Variants in FGF13 observed in about 807,000 individuals in gnomAD.
FGF13 encodes fibroblast growth factor homologous factor 2.
FGF13 carries 2 observed loss-of-function variants against 19.5 expected under a neutral mutation model. The ratio of observed to expected loss-of-function variants is 0.10; its 90% confidence interval spans 0.04 to 0.32. The LOEUF is 0.32. FGF13 is among the 10% of genes least tolerant of loss of function. The pLI, the probability that FGF13 is intolerant of heterozygous loss-of-function variation, is 1.00. For missense variants in FGF13, 113 were observed against 192.7 expected, an observed-to-expected ratio of 0.59 and a Z score of 2.45; for synonymous variants, 72 against 76.9, an observed-to-expected ratio of 0.94 and a Z score of 0.33.
intron 1 of FGF13, among the ~76,000 whole-genome samples, chrX:139,161,917 A>G (rs1603227231): frequency 1.8e-5 from 2 of 112,138 alleles, no homozygotes; most frequent in Admixed American, 1.9e-4. Context: ...CGAATGGAAA[A>G]ACATTCCATG....
In FGF13 at chrX:138,644,003, A is replaced by T. The variant is rs2089279002; in HGVS notation, c.403-8348T>A. Among the ~76,000 whole-genome samples, 2 of 111,877 alleles carry T rather than the reference A, an allele frequency of 1.8e-5. 1 individual carries two copies. The highest frequency in any genetic ancestry group is 5.6e-4 in the East Asian group (2 of 3,540). On this transcript the variant is annotated intron_variant, in intron 3 of 4. Transcript: ENST00000315930. ...TTCTCTGTACTGACTTCAGAGTGGG[A>T]TCTAAATCCAGCTGCAAGAATATGA...
intron 1 of FGF13, among the ~76,000 whole-genome samples, chrX:138,994,507 CA>C (rs1388280715): frequency 9.0e-6 from 1 of 111,533 alleles, no homozygotes; most frequent in Non-Finnish European, 1.9e-5. Flanking sequence ...ACATTTTAAA[CA>C]AATAATTCCC....
intron 1 of FGF13, among the ~76,000 whole-genome samples, chrX:139,153,806 A>T (rs1044528421): frequency 9.3e-6 from 1 of 107,641 alleles, no homozygotes; most frequent in Non-Finnish European, 1.9e-5. Flanking sequence ...TGTTATCGTT[A>T]TAAGTAGAGG....
intron 3 of FGF13, among the ~76,000 whole-genome samples, chrX:138,751,541 T>G (rs1177780089): frequency 5.4e-5 from 6 of 111,880 alleles, no homozygotes; most frequent in Admixed American, 3.8e-4. Flanking sequence ...ACTAGCATCT[T>G]TCTTTCACAA....
At chrX:138,960,988 C>G (rs939962625) in intron 1 of FGF13, among the ~76,000 whole-genome samples, 1 of 111,197 alleles carries the variant, frequency 9.0e-6, no homozygotes, top group African/African-American at 3.3e-5. Context: ...TTGTTATTAC[C>G]GATCTTCTGA....
Position 138,941,556 on chromosome X carries a change from C to T in FGF13, c.-112-76906G>A, listed in dbSNP as rs970415546. On this transcript the variant is annotated intron_variant, in intron 1 of 2. Coordinates refer to the FGF13 transcript ENST00000421460. The stretch of plus-strand genomic sequence containing the variant: ...CTGCTAAAAGAAATCAGAGATGACA[C>T]AAACAAATGGAAAACATTCCATGCT... 1.1e-4 allele frequency among the ~76,000 whole-genome samples: 12 copies of T among 111,911 alleles called. 1 individual carries two copies. Among genetic ancestry groups the T allele is most frequent in the Non-Finnish European group, 9.4e-5 (5 of 53,211 alleles).
At chrX:138,701,075 T>C (rs187777199) in intron 3 of FGF13, among the ~76,000 whole-genome samples, 92 of 112,765 alleles carry the variant, frequency 8.2e-4, no homozygotes, top group Non-Finnish European at 1.5e-3. Context: ...TCCACATTCT[T>C]ACTTAAATAT....
rs1237373209 is a variant in FGF13 at position 138,633,338 on chromosome X, A to C, written c.602-352T>G. Among the ~76,000 whole-genome samples, 41 of 111,659 alleles carry C rather than the reference A, an allele frequency of 3.7e-4. 1 individual carries two copies. On this transcript the variant is annotated intron_variant, in intron 4 of 4. Coordinates refer to ENST00000315930, the MANE Select transcript of FGF13 (RefSeq NM_004114.5). ...CCAGACATGAAAAACACTGCTTTCA[A>C]GGACTCAGTAGAGAGTGGACAGGTT...
chrX:139,030,526 C>A (rs920542391), intron 1 of FGF13, among the ~76,000 whole-genome samples: 1 of 111,673 alleles, frequency 9.0e-6, no homozygotes, highest in East Asian at 2.8e-4. Flanking sequence ...CCTCACAGTT[C>A]TGTGGGTTAA....
chrX:139,199,305 T>C (rs7887391), intron 1 of FGF13, among the ~76,000 whole-genome samples: 5,023 of 109,316 alleles, frequency 0.046, 224 homozygotes, highest in African/African-American at 0.14. Context: ...ACATGGTTTT[T>C]CCCCCCTCCT....
intron 3 of FGF13, among the ~76,000 whole-genome samples, chrX:138,811,102 C>T (rs905313692): frequency 2.7e-5 from 3 of 112,011 alleles, no homozygotes; most frequent in Non-Finnish European, 5.6e-5. Context: ...TGGGTATATA[C>T]TCAAAGGATT....
chrX:138,667,897 G>T, intron 3 of FGF13: 1 of 246,471 alleles, frequency 4.1e-6, no homozygotes, highest in East Asian at 1.2e-4. Context: ...TTCCACTTCA[G>T]TGATGGACAC....
intron 1 of FGF13, among the ~76,000 whole-genome samples, chrX:139,177,391 T>C (rs191501092): frequency 3.4e-3 from 378 of 110,442 alleles, no homozygotes; most frequent in Non-Finnish European, 5.6e-3. Context: ...CCAGTCTGTG[T>C]CTTTTAATTG....
At chrX:138,972,195 T>C (rs1447735246) in intron 1 of FGF13, among the ~76,000 whole-genome samples, 1 of 108,833 alleles carries the variant, frequency 9.2e-6, no homozygotes, top group African/African-American at 3.4e-5. Flanking sequence ...TCAACGTGCT[T>C]ATTTCAATTC....
At position 138,632,879 on chromosome X, in the gene FGF13, T is replaced by C. The variant is rs758590775; in HGVS notation, c.709A>G (p.Lys237Glu). Residue 237 changes from lysine (K) to glutamate (E), a missense_variant, in exon 5 of 5, where the codon AAA becomes GAA. Around this residue, in one of 4 missense-constraint regions of FGF13, gnomAD observed 43 missense variants for 41.4 expected, o/e 1.04. Transcript: ENST00000315930. Reference sequence around the variant, plus strand: ...GTTGATTCATTGTGGCTCATGGATTTGCCTCCGTTCAGCACGCCAGAGACA... The same window carrying C: ...GTTGATTCATTGTGGCTCATGGATTCGCCTCCGTTCAGCACGCCAGAGACA... ...RSVSGVLNGGKSMSHNEST is the reference protein window; with the variant it reads ...RSVSGVLNGGESMSHNEST The C allele has an allele frequency of 1.7e-5, 20 of 1,207,941 alleles. No homozygotes were observed. Among genetic ancestry groups the C allele is most frequent in the Non-Finnish European group, 2.1e-5 (19 of 894,291 alleles).
chrX:139,033,683 C>A (rs1163634659), intron 1 of FGF13, among the ~76,000 whole-genome samples: 1 of 111,939 alleles, frequency 8.9e-6, no homozygotes, highest in African/African-American at 3.2e-5. Context: ...CGCCTCTGTG[C>A]TTCTAACCCC....
intron 1 of FGF13, among the ~76,000 whole-genome samples, chrX:139,136,815 C>CA (rs1382605501): frequency 1.8e-5 from 2 of 111,728 alleles, no homozygotes; most frequent in African/African-American, 6.5e-5. Context: ...ACCAAAATGT[C>CA]AAAAACCCCA....
At chrX:138,923,137 A>G (rs1293059777) in intron 1 of FGF13, among the ~76,000 whole-genome samples, 1 of 112,207 alleles carries the variant, frequency 8.9e-6, no homozygotes, top group Non-Finnish European at 1.9e-5. Flanking sequence ...CTATGAAACC[A>G]TCAGAATTTT....
At position 138,725,043 on chromosome X, in the gene FGF13, T is replaced by C. The variant is rs185030876; in HGVS notation, c.28+14199A>G. Among the ~76,000 whole-genome samples the C allele has an allele frequency of 3.6e-3, 398 of 112,069 alleles. 1 individual carries two copies. Among genetic ancestry groups the C allele is most frequent in the South Asian group, 0.018 (48 of 2,712 alleles). Reference sequence around the variant, plus strand: ...TTTATTAAAAATATTTGGAGTTTCATTTGTCTTTCACATCATAGTTGGCTT... The same window carrying C: ...TTTATTAAAAATATTTGGAGTTTCACTTGTCTTTCACATCATAGTTGGCTT... On this transcript the variant is annotated intron_variant, in intron 1 of 4. Coordinates refer to the FGF13 transcript ENST00000305414.
Sources: allele counts gnomAD v4.1 joint callset (sites outside exome capture counted in the v4.1 genomes callset), GRCh38; gene constraint gnomAD v4.1.1; regional missense constraint gnomAD v4.1.1; transcripts MANE v1.5; gene names NCBI Gene and HGNC (gene_info 2026-07-23, HGNC 2026-07-21).